Variants in DGKI observed in about 807,000 individuals in gnomAD.
DGKI encodes diacylglycerol kinase iota.
Under a neutral mutation model 147.5 loss-of-function variants are expected in DGKI, and 55 were observed. The observed-to-expected ratio is 0.37, with a 90% CI of 0.30 to 0.47. The LOEUF is 0.47. Ranked by LOEUF, DGKI falls within the 20% of genes least tolerant of loss-of-function variation. DGKI has a pLI of 1.00. For synonymous variants in DGKI, 469 were observed against 477.1 expected (o/e 0.98, Z 0.22); for missense variants, 1,007 against 1,323.8 (o/e 0.76, Z 3.71).
intron 1 of DGKI, among the ~76,000 whole-genome samples, chr7:137,756,517 A>G (rs1031065265): frequency 6.6e-6 from 1 of 152,238 alleles, no homozygotes; most frequent in African/African-American, 2.4e-5. Flanking sequence ...ACAAAATCCA[A>G]TTAAGGAATT....
chr7:137,410,066 A>G (rs1812105017), intron 29 of DGKI, among the ~76,000 whole-genome samples: 1 of 152,192 alleles, frequency 6.6e-6, no homozygotes, highest in Non-Finnish European at 1.5e-5. Flanking sequence ...TAAGAGAGAA[A>G]AAGTAAAACC....
At chr7:137,798,011 T>C (rs1025582124) in intron 1 of DGKI, among the ~76,000 whole-genome samples, 2 of 152,002 alleles carry the variant, frequency 1.3e-5, no homozygotes, top group Admixed American at 6.5e-5. Flanking sequence ...AATTACTAAA[T>C]GGGGGAACAT....
intron 1 of DGKI, among the ~76,000 whole-genome samples, chr7:137,732,222 T>C (rs1794905644): frequency 6.6e-6 from 1 of 152,060 alleles, no homozygotes; most frequent in South Asian, 2.1e-4. Context: ...ATGCCTTTCA[T>C]ACCACGGAGG....
At chr7:137,575,624 A>G (rs1183255706) in intron 17 of DGKI, among the ~76,000 whole-genome samples, 1 of 152,220 alleles carries the variant, frequency 6.6e-6, no homozygotes, top group Non-Finnish European at 1.5e-5. Flanking sequence ...GGGAAGTTTA[A>G]TGTAAGGTTG....
At chr7:137,663,704 G>C (rs1386137163) in intron 3 of DGKI, among the ~76,000 whole-genome samples, 1 of 152,140 alleles carries the variant, frequency 6.6e-6, no homozygotes, top group Non-Finnish European at 1.5e-5. Flanking sequence ...TGTCTATGAG[G>C]AGCTTCATGA....
At position 137,843,665 on chromosome 7, in the gene DGKI, G is replaced by A. The variant is rs78571916; in HGVS notation, c.401+2797C>T. 1.3e-3 allele frequency among the ~76,000 whole-genome samples: 193 copies of A among 151,666 alleles called. 1 individual carries two copies. The highest frequency in any genetic ancestry group is 4.4e-3 in the African/African-American group (183 of 41,356). On this transcript the variant is annotated intron_variant, in intron 1 of 32. Coordinates refer to ENST00000614521, the MANE Select transcript of DGKI (RefSeq NM_001321708.2). The stretch of plus-strand genomic sequence containing the variant: ...AGGGCTCTGGTTCCTAAAAAGACAG[G>A]AGTCACTGCATATGCCCACCCACTC...
chr7:137,574,134 C>A (rs1468079332), intron 17 of DGKI, among the ~76,000 whole-genome samples: 2 of 152,146 alleles, frequency 1.3e-5, no homozygotes, highest in African/African-American at 4.8e-5. Flanking sequence ...CAGGTTGTCT[C>A]CAGCACCTGC....
intron 8 of DGKI, among the ~76,000 whole-genome samples, chr7:137,611,415 A>G (rs1721333764): frequency 6.6e-6 from 1 of 152,176 alleles, no homozygotes; most frequent in African/African-American, 2.4e-5. Flanking sequence ...ACTTTTTAAA[A>G]GTTTACCAGG....
At chr7:137,647,866 A>G (rs1317770001) in intron 5 of DGKI, among the ~76,000 whole-genome samples, 1 of 152,242 alleles carries the variant, frequency 6.6e-6, no homozygotes, top group Non-Finnish European at 1.5e-5. Flanking sequence ...GCACATTATC[A>G]GAGGGCTTGA....
chr7:137,442,836 C>T (rs1813562049), intron 28 of DGKI, among the ~76,000 whole-genome samples: 1 of 152,126 alleles, frequency 6.6e-6, no homozygotes, highest in African/African-American at 2.4e-5. Context: ...TATCAAAGAA[C>T]TCATAGTCTA....
intron 20 of DGKI, among the ~76,000 whole-genome samples, chr7:137,549,904 G>T (rs1336330082): frequency 6.6e-6 from 1 of 152,058 alleles, no homozygotes; most frequent in Admixed American, 6.6e-5. Context: ...ATGATGACTA[G>T]GTTTTTTTGC....
intron 1 of DGKI, among the ~76,000 whole-genome samples, chr7:137,776,842 T>C (rs1796376740): frequency 6.6e-6 from 1 of 151,456 alleles, no homozygotes; most frequent in African/African-American, 2.4e-5. Flanking sequence ...AGACGAAAAA[T>C]ACATGAGAAA....
chr7:137,783,110 T>C (rs1796569789), intron 1 of DGKI, among the ~76,000 whole-genome samples: 2 of 152,080 alleles, frequency 1.3e-5, no homozygotes, highest in African/African-American at 2.4e-5. Flanking sequence ...TCATGAGCAA[T>C]GGATCCAAAC....
At chr7:137,833,374 C>T (rs1304387813) in intron 1 of DGKI, among the ~76,000 whole-genome samples, 1 of 152,182 alleles carries the variant, frequency 6.6e-6, no homozygotes, top group Non-Finnish European at 1.5e-5. Flanking sequence ...ACATGAATGG[C>T]AGCAGGCAAA....
chr7:137,688,235 G>A (rs62490506), intron 2 of DGKI, among the ~76,000 whole-genome samples: 10 of 152,062 alleles, frequency 6.6e-5, no homozygotes, highest in South Asian at 2.1e-4. Flanking sequence ...GGCAGAAACC[G>A]TATCTTCTTC....
intron 10 of DGKI, among the ~76,000 whole-genome samples, chr7:137,601,842 A>G (rs903613082): frequency 6.6e-6 from 1 of 152,194 alleles, no homozygotes; most frequent in Non-Finnish European, 1.5e-5. Flanking sequence ...TGTTGCATGT[A>G]CCAGCCAAAC....
chr7:137,478,455 TGTAA>T (rs760609590), intron 23 of DGKI, among the ~76,000 whole-genome samples: 17 of 151,798 alleles, frequency 1.1e-4, no homozygotes, highest in Non-Finnish European at 2.1e-4. Flanking sequence ...ATAATTGGAG[TGTAA>T]GTGAGTGATA....
At chr7:137,470,648 G>C (rs1195586278) in intron 23 of DGKI, among the ~76,000 whole-genome samples, 1 of 152,050 alleles carries the variant, frequency 6.6e-6, no homozygotes, top group African/African-American at 2.4e-5. Flanking sequence ...GCTCACCATA[G>C]CCTCAGTTTC....
intron 31 of DGKI, among the ~76,000 whole-genome samples, chr7:137,396,471 T>C (rs570598165): frequency 2.4e-3 from 361 of 152,260 alleles, no homozygotes; most frequent in African/African-American, 8.2e-3. Flanking sequence ...AACGCCAAAG[T>C]GTTTCAGGAA....
Sources: gnomAD v4.1 joint callset for allele counts (sites outside exome capture counted in the v4.1 genomes callset) on GRCh38, gnomAD v4.1.1 for gene constraint, MANE v1.5 for transcripts, NCBI Gene and HGNC (gene_info 2026-07-23, HGNC 2026-07-21) for gene names.